NPR3: variants seen among roughly 807,000 people sequenced by gnomAD.
NPR3 encodes the protein atrial natriuretic peptide receptor 3.
NPR3 carries 34 observed loss-of-function variants against 54.5 expected under a neutral mutation model. That is an observed-to-expected ratio of 0.62 (90% confidence interval 0.47 to 0.83). The LOEUF (loss-of-function observed/expected upper bound fraction) is 0.83. Ranked by LOEUF, NPR3 falls within the 40% of genes least tolerant of loss-of-function variation. The pLI is 0.00. For synonymous variants in NPR3, 289 were observed against 297.1 expected, an observed-to-expected ratio of 0.97 and a Z score of 0.28; for missense variants, 674 against 720.8, an observed-to-expected ratio of 0.94 and a Z score of 0.74.
At position 32,712,511 on chromosome 5, in the gene NPR3, A is replaced by C; in HGVS notation, c.735A>C (p.Glu245Asp). The C allele has an allele frequency of 6.5e-7, 1 of 1,543,870 alleles. No individual in the cohort carries two copies. Among genetic ancestry groups the C allele is most frequent in the Non-Finnish European group, 8.7e-7 (1 of 1,147,162 alleles). ...ACGAGACCAAAGACTTGGATCTGGAAGACATCGTGCGCAATATCCAGGCCA... is the reference window on the plus strand; with the variant it reads ...ACGAGACCAAAGACTTGGATCTGGACGACATCGTGCGCAATATCCAGGCCA... ...SFDETKDLDLEDIVRNIQASE... is the reference protein window; with the variant it reads ...SFDETKDLDLDDIVRNIQASE... Residue 245 changes from glutamate to aspartate, a missense_variant, in exon 1 of 8, where the codon GAA becomes GAC. Physicochemically the swap from Glu to Asp is conservative, Grantham distance 45 (BLOSUM62 2). Transcript: ENST00000265074.
At chr5:32,706,385 C>G (rs1159603172), upstream of NPR3, among the ~76,000 whole-genome samples, 8 of 152,170 alleles carry the variant, frequency 5.3e-5, no homozygotes, top group African/African-American at 1.4e-4. Context: ...TGAAACACTG[C>G]TTTACCAACA....
chr5:32,735,785 C>A (rs1323417174), intron 2 of NPR3, among the ~76,000 whole-genome samples: 1 of 152,208 alleles, frequency 6.6e-6, no homozygotes, highest in South Asian at 2.1e-4. Context: ...TAATGCTCAA[C>A]AGCCCTGATA....
At chr5:32,784,305 C>T (rs1237471894) in intron 6 of NPR3, among the ~76,000 whole-genome samples, 1 of 152,192 alleles carries the variant, frequency 6.6e-6, no homozygotes, top group Non-Finnish European at 1.5e-5. Flanking sequence ...TCTCTTGCCT[C>T]AGCCTCCTGA....
Position 32,763,655 on chromosome 5 carries a change from A to G in NPR3, c.1060-11053A>G, listed in dbSNP as rs182932883. Among the ~76,000 whole-genome samples, 158 of 152,138 alleles carry G rather than the reference A, an allele frequency of 1.0e-3. 1 individual carries two copies. Among genetic ancestry groups the G allele is most frequent in the African/African-American group, 3.5e-3 (146 of 41,490 alleles). The stretch of plus-strand genomic sequence containing the variant: ...TGAAAAGTCTCTAAACATATTTATA[A>G]TAGCTGCTTTAAAACTCATGTCTGC... On this transcript the variant is annotated intron_variant, in intron 3 of 7. Transcript: ENST00000265074.
chr5:32,751,167 G>A lies in NPR3; in HGVS notation c.1059+12137G>A, dbSNP rs557424532. Among the ~76,000 whole-genome samples the A allele has an allele frequency of 4.6e-5, 7 of 152,206 alleles. No individual in the cohort carries two copies. In the South Asian group the frequency reaches 1.0e-3, roughly 23 times the overall value. The stretch of plus-strand genomic sequence containing the variant: ...AGGGATATTTACATAAAAAATAATT[G>A]GAGATATTTGTGTCCTGGCAGGTTA... On this transcript the variant is annotated intron_variant, in intron 3 of 7. Transcript: ENST00000265074.
intron 3 of NPR3, among the ~76,000 whole-genome samples, chr5:32,749,885 G>A (rs1740489241): frequency 2.0e-5 from 3 of 152,166 alleles, no homozygotes; most frequent in African/African-American, 4.8e-5. Flanking sequence ...GAGGAGATCC[G>A]ACTCAATTTA....
chr5:32,730,034 T>C (rs1487404986), intron 2 of NPR3, among the ~76,000 whole-genome samples: 1 of 152,206 alleles, frequency 6.6e-6, no homozygotes, highest in East Asian at 1.9e-4. Flanking sequence ...GTGTCTCCTT[T>C]ATCTCCTCCA....
intron 3 of NPR3, among the ~76,000 whole-genome samples, chr5:32,764,933 AAG>A (rs1245040430): frequency 1.3e-5 from 2 of 152,154 alleles, no homozygotes; most frequent in African/African-American, 4.8e-5. Flanking sequence ...TCACACCAAA[AAG>A]TTGCCAATGA....
chr5:32,757,905 A>G (rs1292436491), intron 3 of NPR3, among the ~76,000 whole-genome samples: 1 of 152,210 alleles, frequency 6.6e-6, no homozygotes, highest in Non-Finnish European at 1.5e-5. Context: ...GATTACGTTT[A>G]TTGATTTGCG....
intron 3 of NPR3, among the ~76,000 whole-genome samples, chr5:32,753,717 G>C (rs1378513771): frequency 7.1e-6 from 1 of 141,596 alleles, no homozygotes; most frequent in African/African-American, 2.7e-5. Context: ...CCAGGACATT[G>C]CATTTAAAGG....
intron 3 of NPR3, among the ~76,000 whole-genome samples, chr5:32,772,948 C>T (rs145222253): frequency 1.9e-3 from 288 of 152,274 alleles, no homozygotes; most frequent in African/African-American, 6.5e-3. Context: ...TTGGCAAACA[C>T]GAAATATCTG....
chr5:32,770,083 G>A (rs369181628), intron 3 of NPR3, among the ~76,000 whole-genome samples: 3 of 152,118 alleles, frequency 2.0e-5, no homozygotes, highest in African/African-American at 2.4e-5. Context: ...GAGGAAGGCC[G>A]GGGCAAAACA....
chr5:32,716,278 G>T lies in NPR3; in HGVS notation c.769+3733G>T, dbSNP rs541240144. On this transcript the variant is annotated intron_variant, in intron 1 of 7. Coordinates refer to ENST00000265074, the MANE Select transcript of NPR3 (RefSeq NM_001204375.2). ...ACACAAGGTTTATGAGGAGAAAAAGGTTCCTGTCTCCTACTCTCCATTTTT... is the reference window on the plus strand; with the variant it reads ...ACACAAGGTTTATGAGGAGAAAAAGTTTCCTGTCTCCTACTCTCCATTTTT... The T allele has an allele frequency of 6.1e-5, 22 of 358,444 alleles. No individual in the cohort carries two copies. In the East Asian group the frequency reaches 6.4e-4, roughly 10 times the overall value. The allele number at this position is 358,444 out of a possible 1,614,324, so 22.2% of individuals were successfully genotyped here.
In NPR3 at chr5:32,786,307, C is replaced by T. The variant is rs142228984; in HGVS notation, c.1588C>T (p.Arg530Trp). ...ESNLGKHREL[R>W]EDSIRSHFSV... ...TAACCTTGGAAAACATCGGGAATTACGGGAAGATTCCATCAGATCCCATTT... is the reference window on the plus strand; with the variant it reads ...TAACCTTGGAAAACATCGGGAATTATGGGAAGATTCCATCAGATCCCATTT... Residue 530 changes from arginine to tryptophan, a missense_variant, in exon 8 of 8, where the codon CGG becomes TGG. Transcript: ENST00000265074. The T allele has an allele frequency of 1.2e-3, 1,912 of 1,584,250 alleles. 1 individual carries two copies. The highest frequency in any genetic ancestry group is 1.4e-3 in the South Asian group (126 of 87,636).
intron 1 of NPR3, among the ~76,000 whole-genome samples, chr5:32,712,911 G>A (rs1355844685): frequency 6.6e-6 from 1 of 152,182 alleles, no homozygotes; most frequent in Non-Finnish European, 1.5e-5. Flanking sequence ...TCCAGGGTCT[G>A]AAGCATCCGA....
At chr5:32,773,008 G>C (rs546892017) in intron 3 of NPR3, among the ~76,000 whole-genome samples, 1 of 152,148 alleles carries the variant, frequency 6.6e-6, no homozygotes, top group South Asian at 2.1e-4. Flanking sequence ...GTGGGATAAG[G>C]TTAAGTAGAT....
chr5:32,691,820 A>G (rs918095519), intron 1 of NPR3, among the ~76,000 whole-genome samples: 2 of 152,252 alleles, frequency 1.3e-5, no homozygotes, highest in African/African-American at 4.8e-5. Context: ...AAGCGAGGAG[A>G]AGGAATAAGT....
In NPR3 at chr5:32,738,873, C is replaced by T. The variant is rs1739891170; in HGVS notation, c.902C>T (p.Ser301Leu). 2 of 1,612,890 alleles carry T rather than the reference C, an allele frequency of 1.2e-6. No homozygotes were observed. The highest frequency in any genetic ancestry group is 1.3e-5 in the African/African-American group (1 of 75,004). ...LFNSSSYGDG[S>L]WKRGDKHDFE... ...TTTATTTCTTCCATAGGAGATGGCT[C>T]ATGGAAGAGAGGAGACAAACACGAC... The change falls in exon 3 of 8, where the codon TCA (serine) becomes TTA (leucine). Residue 301 changes from serine (S) to leucine (L), a missense_variant. Physicochemically the swap from Ser to Leu is moderately radical, Grantham distance 145. Coordinates refer to ENST00000265074, the MANE Select transcript of NPR3 (RefSeq NM_001204375.2).
At position 32,787,128 on chromosome 5, in the gene NPR3, T is replaced by TA. The variant is rs1367311572; in HGVS notation, c.*786dup. The TA allele has an allele frequency of 2.0e-5, 3 of 152,670 alleles. No homozygotes were observed. The highest frequency in any genetic ancestry group is 6.5e-5 in the Admixed American group (1 of 15,286). The allele number at this position is 152,670 out of a possible 1,614,324, so 9.5% of individuals were successfully genotyped here. On this transcript the variant is annotated 3_prime_UTR_variant, in exon 8 of 8. Coordinates refer to ENST00000265074, the MANE Select transcript of NPR3 (RefSeq NM_001204375.2). ...TTGTCTATTTTTTCATTTTGAAGAT[T>TA]AAATGTTGCTTACATTTTAAAAGCA...
Sources: gnomAD v4.1 joint callset for allele counts (sites outside exome capture counted in the v4.1 genomes callset) on GRCh38, gnomAD v4.1.1 for gene constraint, MANE v1.5 for transcripts, NCBI Gene and HGNC (gene_info 2026-07-23, HGNC 2026-07-21) for gene names.